Variants in NFASC observed in about 807,000 individuals in gnomAD.
The protein encoded by NFASC is neurofascin homolog.
NFASC carries 43 observed loss-of-function variants against 147.5 expected under a neutral mutation model. The observed-to-expected ratio is 0.29, with a 90% CI of 0.23 to 0.38. NFASC has a LOEUF of 0.38. Among genes scored for constraint, NFASC ranks in the 10% least tolerant of loss-of-function variants. The pLI, the probability that NFASC is intolerant of heterozygous loss-of-function variation, is 1.00. For missense variants in NFASC, 1,320 were observed against 1,689.0 expected, an observed-to-expected ratio of 0.78 and a Z score of 3.83; for synonymous variants, 622 against 665.5, an observed-to-expected ratio of 0.93 and a Z score of 1.01.
At chr1:204,882,275 C>A (rs2080403770) in intron 1 of NFASC, among the ~76,000 whole-genome samples, 1 of 152,124 alleles carries the variant, frequency 6.6e-6, no homozygotes, top group Admixed American at 6.5e-5. Context: ...AGGCTCATCT[C>A]CATGGTATAC....
intron 1 of NFASC, among the ~76,000 whole-genome samples, chr1:204,868,934 C>T (rs796557760): frequency 8.5e-5 from 13 of 152,248 alleles, no homozygotes; most frequent in South Asian, 2.1e-4. Flanking sequence ...CTGCCTCTTC[C>T]GGGGCAGAAC....
At chr1:205,012,745 G>A in intron 28 of NFASC, 52 bp from the exon 29 acceptor site, 1 of 1,322,110 alleles carries the variant, frequency 7.6e-7, no homozygotes, top group Non-Finnish European at 1.1e-6. Flanking sequence ...TAGAGAGCAG[G>A]GGCATGTACT....
intron 1 of NFASC, among the ~76,000 whole-genome samples, chr1:204,878,619 T>A (rs2079508577): frequency 6.6e-6 from 1 of 152,246 alleles, no homozygotes; most frequent in Non-Finnish European, 1.5e-5. Flanking sequence ...GAGTGTAGTA[T>A]AATGAATCCC....
chr1:204,919,131 T>C (rs1286866987), intron 1 of NFASC, among the ~76,000 whole-genome samples: 1 of 151,980 alleles, frequency 6.6e-6, no homozygotes, highest in Non-Finnish European at 1.5e-5. Flanking sequence ...TTCAAGTGAT[T>C]TTCATGCCTC....
chr1:204,923,338 C>G (rs932900318), intron 2 of NFASC, among the ~76,000 whole-genome samples: 5 of 152,106 alleles, frequency 3.3e-5, no homozygotes, highest in Admixed American at 1.3e-4. Flanking sequence ...CCCTCCTCCT[C>G]CCACTCCAGC....
rs184957720 is a variant in NFASC at position 205,009,770 on chromosome 1, G to C, written c.3421+82G>C. 5.9e-5 allele frequency: 85 copies of C among 1,443,812 alleles called. No homozygotes were observed. In the African/African-American group the frequency reaches 1.1e-3, roughly 19 times the overall value. The allele number at this position is 1,443,812 out of a possible 1,614,324, so 89.4% of individuals were successfully genotyped here. A position where few individuals can be genotyped will look rare whatever the true frequency, so the allele number is the denominator to read the frequency against. ...GTCTCCAGGTCTCCAGCCAGATCCG[G>C]GGAATGTGTTCTCTCAGTGAAGCCA... is the stretch of plus-strand genomic sequence containing the variant. On this transcript the variant is annotated intron_variant, in intron 28 of 29. Coordinates refer to ENST00000339876, the MANE Select transcript of NFASC (RefSeq NM_001005388.3).
At chr1:204,852,710 G>T (rs1251904513) in intron 1 of NFASC, among the ~76,000 whole-genome samples, 1 of 152,192 alleles carries the variant, frequency 6.6e-6, no homozygotes, top group African/African-American at 2.4e-5. Context: ...TACCAGCTGA[G>T]TTTTCTTTGG....
chr1:204,924,044 C>A (rs984226285), intron 2 of NFASC, among the ~76,000 whole-genome samples: 2 of 152,212 alleles, frequency 1.3e-5, no homozygotes, highest in African/African-American at 2.4e-5. Flanking sequence ...TCCTCCACAC[C>A]ACTGGAGCTA....
chr1:204,830,060 C>T (rs1377725430), intron 1 of NFASC, among the ~76,000 whole-genome samples: 2 of 148,304 alleles, frequency 1.3e-5, no homozygotes, highest in Non-Finnish European at 3.0e-5. Flanking sequence ...GCAGAGATGC[C>T]TCATCCCTCA....
chr1:204,920,428 T>A (rs75996594), intron 1 of NFASC, among the ~76,000 whole-genome samples: 1 of 42,256 alleles, frequency 2.4e-5, no homozygotes, highest in Non-Finnish European at 5.0e-5. Flanking sequence ...GGATCTGTCC[T>A]TTTTTTTTTT....
intron 2 of NFASC, 90 bp downstream of exon 2, chr1:204,920,830 G>GGC: frequency 1.8e-6 from 1 of 562,908 alleles, no homozygotes; most frequent in Non-Finnish European, 2.9e-6. Context: ...TTTGATAAGG[G>GGC]AAGCCTGTTT....
At chr1:204,944,712 T>A (rs1485794302) in intron 3 of NFASC, 1 of 363,794 alleles carries the variant, frequency 2.7e-6, no homozygotes, top group Non-Finnish European at 4.9e-6. Context: ...GCCACTTGGG[T>A]TTTTCCCTCT....
At chr1:204,900,362 G>A (rs1430096272) in intron 1 of NFASC, among the ~76,000 whole-genome samples, 1 of 152,186 alleles carries the variant, frequency 6.6e-6, no homozygotes, top group East Asian at 1.9e-4. Context: ...ATTAACTGCT[G>A]CATTTCAAAT....
chr1:204,899,378 G>A (rs888774403), intron 1 of NFASC, among the ~76,000 whole-genome samples: 3 of 151,810 alleles, frequency 2.0e-5, no homozygotes, highest in Non-Finnish European at 2.9e-5. Context: ...TGGCAAGAGA[G>A]GAGAAGCTCC....
chr1:204,941,781 T>C (rs1316901128), intron 2 of NFASC, among the ~76,000 whole-genome samples: 1 of 152,126 alleles, frequency 6.6e-6, no homozygotes, highest in Non-Finnish European at 1.5e-5. Context: ...GATTTTCTAC[T>C]CTCTTAACCC....
intron 3 of NFASC, among the ~76,000 whole-genome samples, chr1:204,945,833 G>A (rs1364464308): frequency 1.3e-5 from 2 of 152,196 alleles, no homozygotes; most frequent in African/African-American, 2.4e-5. Context: ...CCAAGTCCCC[G>A]GAGGGAGGGT....
chr1:204,976,639 C>A (rs371767541), intron 15 of NFASC, 32 bp from the exon 16 acceptor site: 1 of 1,560,222 alleles, frequency 6.4e-7, no homozygotes, highest in Admixed American at 1.7e-5. Context: ...CCCCTACCCC[C>A]TCCTCCCAAC....
Position 204,968,119 on chromosome 1 carries a change from T to G in NFASC, c.707-130T>G, listed in dbSNP as rs1413850862. The G allele has an allele frequency of 4.4e-6, 3 of 683,594 alleles. No individual in the cohort carries two copies. Among genetic ancestry groups the G allele is most frequent in the Non-Finnish European group, 7.9e-6 (3 of 379,238 alleles). The allele number at this position is 683,594 out of a possible 1,614,324, so 42.3% of individuals were successfully genotyped here. A position where few individuals can be genotyped will look rare whatever the true frequency, so the allele number is the denominator to read the frequency against. ...ACCTCACTTAATGATGCCCAAGTCC[T>G]TGGGATGGTTTCAGCTGGGAGGATC... On this transcript the variant is annotated intron_variant, in intron 8 of 29. Transcript: ENST00000339876. The surrounding 1 kb of genome is among the most constrained non-coding windows in gnomAD (Gnocchi z 5.4).
In NFASC at chr1:204,841,235, C is replaced by T. The variant is rs377730657; in HGVS notation, c.-200+12453C>T. 3.9e-5 allele frequency among the ~76,000 whole-genome samples: 6 copies of T among 152,300 alleles called. No individual in the cohort carries two copies. The South Asian group carries it at 1.2e-3, about 32-fold the overall frequency. ...AACCCTGATTAAACGTTATTATTCC[C>T]ATTACACTGAGAAAATGGAAGCTCA... On this transcript the variant is annotated intron_variant, in intron 1 of 29. Transcript: ENST00000339876.
Sources: gnomAD v4.1 joint callset for allele counts (sites outside exome capture counted in the v4.1 genomes callset) on GRCh38, gnomAD v4.1.1 for gene constraint, Gnocchi (gnomAD v3.1) non-coding constraint, MANE v1.5 for transcripts, NCBI Gene and HGNC (gene_info 2026-07-23, HGNC 2026-07-21) for gene names.